The following NKIRAS1 variants were observed in gnomAD, a reference collection of about 807,000 sequenced individuals.
NKIRAS1 encodes NFKB inhibitor interacting Ras like 1.
In NKIRAS1, 16 loss-of-function variants were observed where a neutral mutation model predicts 19.8. The observed-to-expected ratio is 0.81, with a 90% CI of 0.55 to 1.23. NKIRAS1 has a LOEUF of 1.23. NKIRAS1 is among the 50% of genes most tolerant of loss of function. The probability of loss-of-function intolerance (pLI) is 0.00; values close to 1 mark genes in which losing one functional copy is unlikely to be tolerated. For synonymous variants in NKIRAS1, 88 were observed against 79.0 expected (o/e 1.11, Z -0.61); for missense variants, 184 against 220.0 (o/e 0.84, Z 1.04).
chr3:23,917,906 C>G (rs746016083), upstream of NKIRAS1: 2 of 1,613,314 alleles, frequency 1.2e-6, no homozygotes, highest in African/African-American at 2.7e-5. Context: ...AAGAAGCAGT[C>G]TGATGTCATG....
At chr3:23,894,172 C>T (rs918610769) in intron 4 of NKIRAS1, among the ~76,000 whole-genome samples, 7 of 152,126 alleles carry the variant, frequency 4.6e-5, no homozygotes, top group Admixed American at 1.3e-4. Flanking sequence ...CCAGACACTG[C>T]GCGTGACAGA....
chr3:23,912,774 A>C (rs906591167), intron 1 of NKIRAS1, among the ~76,000 whole-genome samples: 5 of 152,194 alleles, frequency 3.3e-5, no homozygotes, highest in Non-Finnish European at 7.3e-5. Context: ...CACAATAGCA[A>C]AGACTTGGAA....
In NKIRAS1 at chr3:23,926,963, C is replaced by G. The variant is rs946838426; in HGVS notation, c.-139-15513G>C. Among the ~76,000 whole-genome samples the G allele has an allele frequency of 2.4e-4, 36 of 152,282 alleles. No individual in the cohort carries two copies. The South Asian group carries it at 6.8e-3, about 29-fold the overall frequency. On this transcript the variant is annotated intron_variant, in intron 1 of 4. Transcript: ENST00000421515. This position sits in a 1 kb window ranked among gnomAD's most constrained non-coding sequence, Gnocchi z 4.3. ...CACCAACAAGCTACACTTTGACCATCAGCTGCCCCAAACAGGATGAAATCC... is the reference window on the plus strand; with the variant it reads ...CACCAACAAGCTACACTTTGACCATGAGCTGCCCCAAACAGGATGAAATCC...
chr3:23,945,728 C>G, intron 1 of NKIRAS1: 1 of 597,248 alleles, frequency 1.7e-6, no homozygotes, highest in Non-Finnish European at 2.3e-6. Context: ...GCCGCGTGTC[C>G]GCCTCTGGCT....
intron 1 of NKIRAS1, among the ~76,000 whole-genome samples, chr3:23,940,285 T>C (rs1248703986): frequency 6.6e-6 from 1 of 151,754 alleles, no homozygotes; most frequent in Non-Finnish European, 1.5e-5. Context: ...TTTGAAGCTG[T>C]AATAAGTTAT....
upstream of NKIRAS1, chr3:23,919,060 G>T (rs990447598): frequency 9.3e-6 from 6 of 644,678 alleles, no homozygotes; most frequent in Non-Finnish European, 1.6e-5. Flanking sequence ...AGTCTAGGGA[G>T]AAATGCTTAG....
At chr3:23,919,065 G>T (rs916326653), upstream of NKIRAS1, 1 of 651,958 alleles carries the variant, frequency 1.5e-6, no homozygotes, top group African/African-American at 1.8e-5. Flanking sequence ...AGGGAGAAAT[G>T]CTTAGTAAAT....
intron 1 of NKIRAS1, among the ~76,000 whole-genome samples, chr3:23,928,537 C>G (rs1007705709): frequency 1.6e-4 from 24 of 151,596 alleles, no homozygotes; most frequent in Non-Finnish European, 2.9e-5. Context: ...CCTAGAAACA[C>G]TGTAATTTCA....
chr3:23,932,160 G>C (rs1420699760), intron 1 of NKIRAS1, among the ~76,000 whole-genome samples: 1 of 152,168 alleles, frequency 6.6e-6, no homozygotes, highest in East Asian at 1.9e-4. Context: ...GAGTGACAGA[G>C]TTTGCCAGGG....
intron 1 of NKIRAS1, among the ~76,000 whole-genome samples, chr3:23,945,910 G>A (rs1705673301): frequency 6.7e-6 from 1 of 150,322 alleles, no homozygotes; most frequent in African/African-American, 2.4e-5. Context: ...TTGGCTGGGC[G>A]GGCGCGTGAC....
At chr3:23,933,389 G>A (rs1370256395) in intron 1 of NKIRAS1, among the ~76,000 whole-genome samples, 1 of 152,178 alleles carries the variant, frequency 6.6e-6, no homozygotes. Context: ...ATTTGACAAT[G>A]TCCAGAGACA....
intron 3 of NKIRAS1, among the ~76,000 whole-genome samples, chr3:23,904,698 G>A (rs989211639): frequency 2.0e-5 from 3 of 152,072 alleles, no homozygotes; most frequent in Non-Finnish European, 4.4e-5. Context: ...AATCATAATG[G>A]TTCCCAGATT....
chr3:23,910,639 A>G (rs949931048), intron 3 of NKIRAS1, among the ~76,000 whole-genome samples, 172 bp downstream of exon 3: 2 of 152,170 alleles, frequency 1.3e-5, no homozygotes, highest in African/African-American at 4.8e-5. Flanking sequence ...TTGAATTTCA[A>G]TAACACTAAG....
chr3:23,895,969 C>T (rs1444503070), intron 4 of NKIRAS1, among the ~76,000 whole-genome samples: 2 of 151,794 alleles, frequency 1.3e-5, no homozygotes, highest in Non-Finnish European at 2.9e-5. Context: ...CCTATCTCTA[C>T]TAAAAATACA....
rs1429662472 is a variant in NKIRAS1, at chr3:23,890,589, A to G, written c.*2506T>C. 1 of 1,613,718 alleles carries G rather than the reference A, an allele frequency of 6.2e-7. No individual in the cohort carries two copies. On this transcript the variant is annotated 3_prime_UTR_variant, in exon 5 of 5. Coordinates refer to ENST00000425478, the MANE Select transcript of NKIRAS1 (RefSeq NM_020345.4). Reference sequence around the variant, plus strand: ...TGACAGAATGGCCAGACAGTGGACCAAGAGATACGCTACATAAATTGGGGT... The same window carrying G: ...TGACAGAATGGCCAGACAGTGGACCGAGAGATACGCTACATAAATTGGGGT...
At chr3:23,896,407 T>C (rs1350838789) in intron 4 of NKIRAS1, among the ~76,000 whole-genome samples, 5 of 151,522 alleles carry the variant, frequency 3.3e-5, no homozygotes, top group Non-Finnish European at 5.9e-5. Flanking sequence ...CTGAGGTCAG[T>C]AGTTTGAGAC....
chr3:23,897,403 T>C (rs918281998), intron 4 of NKIRAS1, among the ~76,000 whole-genome samples: 9 of 152,186 alleles, frequency 5.9e-5, no homozygotes, highest in African/African-American at 9.7e-5. Context: ...TACATATGAT[T>C]GTCATTTTTG....
intron 1 of NKIRAS1, among the ~76,000 whole-genome samples, chr3:23,913,040 C>CAAAAAA (rs1169515621): frequency 3.8e-4 from 18 of 47,654 alleles, no homozygotes; most frequent in African/African-American, 1.1e-3. Flanking sequence ...GACTCCGTCT[C>CAAAAAA]AAAAAAAAAA....
upstream of NKIRAS1, chr3:23,917,512 T>C (rs757841972): frequency 8.3e-5 from 16 of 193,252 alleles, no homozygotes; most frequent in Non-Finnish European, 1.2e-4. Context: ...GCCGCAGCAG[T>C]ACCTTGTCCT....
Sources: gnomAD v4.1 joint callset for allele counts (sites outside exome capture counted in the v4.1 genomes callset) on GRCh38, gnomAD v4.1.1 for gene constraint, Gnocchi (gnomAD v3.1) non-coding constraint, MANE v1.5 for transcripts, NCBI Gene and HGNC (gene_info 2026-07-23, HGNC 2026-07-21) for gene names.